Variants in FREM3 observed in about 807,000 individuals in gnomAD.
FREM3 encodes the protein FRAS1-related extracellular matrix protein 3.
Under a neutral mutation model 129.1 loss-of-function variants are expected in FREM3, and 105 were observed. The observed-to-expected ratio is 0.81, with a 90% CI of 0.69 to 0.96. The LOEUF (loss-of-function observed/expected upper bound fraction) is 0.96, where lower values mean the gene tolerates loss of function less well. Ranked by LOEUF, FREM3 falls within the 40% of genes least tolerant of loss-of-function variation. FREM3 has a pLI of 0.00. For missense variants in FREM3, 2,593 were observed against 2,666.3 expected (o/e 0.97, Z 0.61); for synonymous variants, 1,014 against 1,044.9 (o/e 0.97, Z 0.57).
In FREM3 at chr4:143,595,866, C is replaced by T. The variant is rs189512030; in HGVS notation, c.6029-9873G>A. Among the ~76,000 whole-genome samples the T allele has an allele frequency of 5.6e-3, 700 of 125,674 alleles. 5 individuals are homozygous for T. The highest frequency in any genetic ancestry group is 8.6e-3 in the Non-Finnish European group (518 of 60,288). 82.4% of individuals were successfully genotyped at this position (125,674 alleles called of 152,430 possible). ...TCACGCCACTGCACTCCAGTCTGGGCGACAGAGCGAGACGCCATCTCAGAA... is the reference window on the plus strand; with the variant it reads ...TCACGCCACTGCACTCCAGTCTGGGTGACAGAGCGAGACGCCATCTCAGAA... On this transcript the variant is annotated intron_variant, in intron 6 of 7. Coordinates refer to ENST00000329798, the MANE Select transcript of FREM3 (RefSeq NM_001168235.2).
At chr4:143,613,944 G>A (rs183425703) in intron 5 of FREM3, among the ~76,000 whole-genome samples, 170 of 152,150 alleles carry the variant, frequency 1.1e-3, no homozygotes, top group African/African-American at 3.9e-3. Flanking sequence ...TTTATTTGTA[G>A]TTCATGAAAC....
intron 5 of FREM3, among the ~76,000 whole-genome samples, chr4:143,615,381 A>G (rs989936076): frequency 1.3e-5 from 2 of 152,162 alleles, no homozygotes; most frequent in Admixed American, 6.5e-5. Flanking sequence ...ACAAGCAATC[A>G]CCCTCTTTAA....
chr4:143,593,359 T>A (rs564984820), intron 6 of FREM3, among the ~76,000 whole-genome samples: 470 of 152,310 alleles, frequency 3.1e-3, no homozygotes, highest in African/African-American at 0.01. Context: ...TCCCCATCTT[T>A]GTGGTTTTAT....
intron 2 of FREM3, among the ~76,000 whole-genome samples, chr4:143,646,672 C>G (rs1443565850): frequency 6.6e-6 from 1 of 152,202 alleles, no homozygotes; most frequent in East Asian, 1.9e-4. Flanking sequence ...GCCCTCCCAG[C>G]CCTGCAGAAC....
rs1341245971 is a variant in FREM3 at position 143,696,085 on chromosome 4, T to C, written c.4591A>G (p.Thr1531Ala). The change falls in exon 1 of 8, where the codon ACT (threonine) becomes GCT (alanine). Residue 1531 changes from threonine to alanine, a missense_variant. By Grantham distance (58) the Thr-to-Ala change is moderately conservative (BLOSUM62 0). Transcript: ENST00000329798. ...ATAGGTTTCTTATTATCCACATCAG[T>C]GATGAAGATCCTGAAGGTTCTGAAC... is the stretch of plus-strand genomic sequence containing the variant. ...PVFRTFRIFITDVDNKKPILT... is the reference protein window; with the variant it reads ...PVFRTFRIFIADVDNKKPILT... 6.5e-7 allele frequency: 1 copy of C among 1,537,408 alleles called. No individual in the cohort carries two copies. Among genetic ancestry groups the C allele is most frequent in the African/African-American group, 1.4e-5 (1 of 73,058 alleles).
chr4:143,599,947 G>A (rs1257319068), intron 6 of FREM3, among the ~76,000 whole-genome samples: 1 of 152,190 alleles, frequency 6.6e-6, no homozygotes, highest in Non-Finnish European at 1.5e-5. Flanking sequence ...GGGCTCAGAA[G>A]CACCTCATCT....
rs79836537 is a variant in FREM3, at chr4:143,608,400, T to C, written c.6028+2879A>G. ...ACCAACAAAGTCATATAATGGCACC[T>C]GAATCCCATTAAATTGCTTGTTTAG... is the stretch of plus-strand genomic sequence containing the variant. On this transcript the variant is annotated intron_variant, in intron 6 of 7. Transcript: ENST00000329798. Among the ~76,000 whole-genome samples the C allele has an allele frequency of 4.0e-3, 605 of 152,296 alleles. 4 individuals are homozygous for C. Among genetic ancestry groups the C allele is most frequent in the African/African-American group, 0.014 (565 of 41,576 alleles).
chr4:143,677,054 T>C (rs562532955), intron 2 of FREM3, among the ~76,000 whole-genome samples: 15 of 152,262 alleles, frequency 9.9e-5, no homozygotes, highest in South Asian at 6.2e-4. Context: ...TTAAAGTTCA[T>C]ATGGAACCAA....
chr4:143,668,692 G>A (rs902615961), intron 2 of FREM3, among the ~76,000 whole-genome samples: 3 of 152,152 alleles, frequency 2.0e-5, no homozygotes, highest in Non-Finnish European at 4.4e-5. Flanking sequence ...CTTCTAATGA[G>A]GCCAGGGTTT....
chr4:143,616,512 C>T (rs962303976), intron 5 of FREM3, among the ~76,000 whole-genome samples: 8 of 152,146 alleles, frequency 5.3e-5, no homozygotes, highest in Non-Finnish European at 8.8e-5. Flanking sequence ...TTTGGCCGGG[C>T]GCAGTGGCTC....
At chr4:143,614,202 A>C (rs1282831077) in intron 5 of FREM3, among the ~76,000 whole-genome samples, 1 of 152,228 alleles carries the variant, frequency 6.6e-6, no homozygotes, top group Admixed American at 6.5e-5. Context: ...GTATTTAATA[A>C]AAAAATTCAG....
rs1740648317 is a variant in FREM3 at position 143,699,425 on chromosome 4, G to A, written c.1251C>T (p.Asp417=). 2.0e-6 allele frequency: 3 copies of A among 1,537,196 alleles called. No individual in the cohort carries two copies. The highest frequency in any genetic ancestry group is 2.7e-5 in the African/African-American group (2 of 73,050). The change falls in exon 1 of 8, where the codon GAC becomes GAT. Residue 417 remains aspartate, a synonymous_variant. Coordinates refer to ENST00000329798, the MANE Select transcript of FREM3 (RefSeq NM_001168235.2). The surrounding 1 kb of genome is among the most constrained non-coding windows in gnomAD (Gnocchi z 4.2). ...TCACTGTCACCATGAAGGCAAAGGG[G>A]TCTGAGGCGGCGCCGTCTCCGTCCA... The part of the protein sequence containing the change: ...EVVDGDGAAS[D]PFAFMVTVKS...
chr4:143,617,027 G>A (rs1169618429), intron 5 of FREM3, among the ~76,000 whole-genome samples: 1 of 152,156 alleles, frequency 6.6e-6, no homozygotes, highest in African/African-American at 2.4e-5. Context: ...TTGGTTTTAG[G>A]TTCTGTGGTT....
intron 2 of FREM3, among the ~76,000 whole-genome samples, chr4:143,691,063 A>T (rs1740457958): frequency 6.6e-6 from 1 of 152,182 alleles, no homozygotes. Context: ...TTAAAATTCC[A>T]GTTTGTCCCT....
intron 5 of FREM3, among the ~76,000 whole-genome samples, chr4:143,614,049 T>C (rs1738804289): frequency 3.9e-5 from 6 of 152,222 alleles, no homozygotes; most frequent in Admixed American, 3.3e-4. Flanking sequence ...AGTAGGTTGA[T>C]TTCTGGGTTA....
intron 6 of FREM3, among the ~76,000 whole-genome samples, chr4:143,600,963 C>CTT (rs5862656): frequency 2.2e-5 from 3 of 139,098 alleles, no homozygotes; most frequent in Non-Finnish European, 3.1e-5. Flanking sequence ...TTTCTAAAGT[C>CTT]TTTTTTTTTT....
intron 2 of FREM3, among the ~76,000 whole-genome samples, chr4:143,631,084 A>C (rs1458138371): frequency 6.6e-6 from 1 of 152,152 alleles, no homozygotes; most frequent in African/African-American, 2.4e-5. Flanking sequence ...AGCAACACAA[A>C]TCAGAGATAA....
intron 5 of FREM3, among the ~76,000 whole-genome samples, chr4:143,611,803 A>G (rs979438105): frequency 6.6e-6 from 1 of 152,212 alleles, no homozygotes; most frequent in Non-Finnish European, 1.5e-5. Flanking sequence ...ACAGGATGCT[A>G]GGGCTGGCTT....
In FREM3 at chr4:143,697,463, C is replaced by T. The variant is rs1008946725; in HGVS notation, c.3213G>A (p.Lys1071=). ...CAATGAAGGACTCCCCGACGAAGAC[C>T]TTGGGTCCCACATTGTCCACAGGCA... The part of the protein sequence containing the change: ...TVLPVDNVGP[K]VFVGESFIVY... Residue 1071 remains lysine, a synonymous_variant, in exon 1 of 8, where the codon AAG becomes AAA. Coordinates refer to ENST00000329798, the MANE Select transcript of FREM3 (RefSeq NM_001168235.2). 11 of 1,537,100 alleles carry T rather than the reference C, an allele frequency of 7.2e-6. No homozygotes were observed. In the African/African-American group the frequency reaches 1.2e-4, roughly 17 times the overall value.
Sources: allele counts gnomAD v4.1 joint callset (sites outside exome capture counted in the v4.1 genomes callset), GRCh38; gene constraint gnomAD v4.1.1; non-coding constraint Gnocchi (gnomAD v3.1); transcripts MANE v1.5; gene names NCBI Gene and HGNC (gene_info 2026-07-23, HGNC 2026-07-21).